BIRC6: variants seen among roughly 807,000 people sequenced by gnomAD.
BIRC6 encodes the protein baculoviral IAP repeat containing 6.
A neutral mutation model predicts 503.3 loss-of-function variants in BIRC6; 98 were observed. That is an observed-to-expected ratio of 0.19 (90% CI 0.17 to 0.23). The LOEUF (loss-of-function observed/expected upper bound fraction) is 0.23, where lower values mean the gene tolerates loss of function less well. BIRC6 is among the 10% of genes least tolerant of loss of function. BIRC6 has a pLI of 1.00. For missense variants in BIRC6, 5,360 were observed against 5,806.0 expected, an observed-to-expected ratio of 0.92 and a Z score of 2.50; for synonymous variants, 2,240 against 2,078.7, an observed-to-expected ratio of 1.08 and a Z score of -2.11.
chr2:32,607,975 C>CAAAAAAAAAA (rs35242178), intron 72 of BIRC6, among the ~76,000 whole-genome samples: 1 of 51,934 alleles, frequency 1.9e-5, no homozygotes, highest in Non-Finnish European at 3.1e-5. Context: ...ACTCCATCTC[C>CAAAAAAAAAA]AAAAAAAAAA....
intron 23 of BIRC6, among the ~76,000 whole-genome samples, chr2:32,456,338 T>C (rs1227636747): frequency 6.6e-6 from 1 of 152,242 alleles, no homozygotes; most frequent in Non-Finnish European, 1.5e-5. Context: ...TCATTGCATA[T>C]AGACAGTTGG....
rs1035956568 is a variant in BIRC6 at position 32,357,675 on chromosome 2, G to C, written c.325+189G>C. ...GGACTTGGCTTTTTCAGCGGCTGCA[G>C]TTGGGAGGAAAGACCGGCGAGTCAG... On this transcript the variant is annotated intron_variant, in intron 1 of 73. Coordinates refer to ENST00000421745, the MANE Select transcript of BIRC6 (RefSeq NM_016252.4). The surrounding 1 kb of genome is among the most constrained non-coding windows in gnomAD (Gnocchi z 4.9). 1.3e-5 allele frequency among the ~76,000 whole-genome samples: 2 copies of C among 152,172 alleles called. No homozygotes were observed. Among genetic ancestry groups the C allele is most frequent in the Non-Finnish European group, 2.9e-5 (2 of 68,024 alleles).
chr2:32,455,672 C>T (rs886758789), intron 23 of BIRC6, among the ~76,000 whole-genome samples: 6 of 152,072 alleles, frequency 3.9e-5, no homozygotes, highest in African/African-American at 1.4e-4. Flanking sequence ...TTTTATTTTA[C>T]AAAAATTCAT....
Position 32,553,849 on chromosome 2 carries a change from T to C in BIRC6, c.13144+4368T>C, listed in dbSNP as rs372120757. ...GTTTGATGCTTTAATAATTTGTTTCTTATTGCTTACTAAAATAAAGACATC... is the reference window on the plus strand; with the variant it reads ...GTTTGATGCTTTAATAATTTGTTTCCTATTGCTTACTAAAATAAAGACATC... On this transcript the variant is annotated intron_variant, in intron 65 of 73. Coordinates refer to ENST00000421745, the MANE Select transcript of BIRC6 (RefSeq NM_016252.4). Among the ~76,000 whole-genome samples the C allele has an allele frequency of 1.1e-3, 161 of 152,340 alleles. 1 individual carries two copies. Among genetic ancestry groups the C allele is most frequent in the African/African-American group, 3.8e-3 (159 of 41,576 alleles).
At chr2:32,380,612 A>T (rs1303057829) in intron 3 of BIRC6, among the ~76,000 whole-genome samples, 1 of 152,098 alleles carries the variant, frequency 6.6e-6, no homozygotes, top group East Asian at 1.9e-4. Context: ...CTGTAATCCC[A>T]GCTACTTGGA....
chr2:32,413,739 G>C (rs2042139717), intron 9 of BIRC6, among the ~76,000 whole-genome samples: 2 of 151,068 alleles, frequency 1.3e-5, no homozygotes, highest in South Asian at 4.2e-4. Context: ...TGGTATTTAT[G>C]GGGGATTGGT....
At chr2:32,442,780 A>C (rs980734914) in intron 19 of BIRC6, among the ~76,000 whole-genome samples, 1 of 152,044 alleles carries the variant, frequency 6.6e-6, no homozygotes, top group African/African-American at 2.4e-5. Context: ...CTTGCCCTAA[A>C]GTGTTTTCTC....
chr2:32,454,747 G>GA (rs897003053), intron 23 of BIRC6, among the ~76,000 whole-genome samples: 22 of 152,268 alleles, frequency 1.4e-4, no homozygotes, highest in Admixed American at 1.1e-3. Flanking sequence ...GCTGGTTCCA[G>GA]AATAGCAGGA....
chr2:32,436,092 A>G lies in BIRC6; in HGVS notation c.3539A>G (p.Asp1180Gly). The change falls in exon 15 of 74, where the codon GAC becomes GGC. Residue 1180 changes from aspartate to glycine, a missense_variant. By Grantham distance (94) the Asp-to-Gly change is moderately conservative. Coordinates refer to ENST00000421745, the MANE Select transcript of BIRC6 (RefSeq NM_016252.4). ...CCATTTTTGGAGGATCATAAAGAAG[A>G]CATTCTATGTGGGCCAGTATGGCTT... ...LCPFLEDHKE[D>G]ILCGPVWLAS... The G allele has an allele frequency of 2.0e-6, 3 of 1,467,854 alleles. No homozygotes were observed. Among genetic ancestry groups the G allele is most frequent in the Admixed American group, 2.1e-5 (1 of 46,658 alleles). The allele number at this position is 1,467,854 out of a possible 1,614,324, so 90.9% of individuals were successfully genotyped here.
chr2:32,455,146 A>T (rs554021404), intron 23 of BIRC6, among the ~76,000 whole-genome samples: 2 of 152,074 alleles, frequency 1.3e-5, no homozygotes, highest in African/African-American at 4.8e-5. Flanking sequence ...TGGGAGGCCA[A>T]GGTGGGCGGA....
At chr2:32,595,912 A>G (rs2061643828) in intron 68 of BIRC6, among the ~76,000 whole-genome samples, 1 of 152,208 alleles carries the variant, frequency 6.6e-6, no homozygotes, top group African/African-American at 2.4e-5. Flanking sequence ...GTCAGTGTCT[A>G]ATGATATTAC....
intron 5 of BIRC6, among the ~76,000 whole-genome samples, chr2:32,393,680 C>T (rs1040677591): frequency 2.6e-5 from 4 of 152,102 alleles, no homozygotes; most frequent in African/African-American, 9.7e-5. Flanking sequence ...CCACCATTCC[C>T]AGCTAATTCT....
intron 45 of BIRC6, among the ~76,000 whole-genome samples, chr2:32,496,803 C>T (rs2052531051): frequency 6.6e-6 from 1 of 152,102 alleles, no homozygotes; most frequent in Non-Finnish European, 1.5e-5. Context: ...CTTGTTTGGC[C>T]ATATTGTCAG....
At chr2:32,439,415 G>A (rs960781418) in intron 15 of BIRC6, 93 bp from the exon 16 acceptor site, 1 of 1,237,730 alleles carries the variant, frequency 8.1e-7, no homozygotes, top group Non-Finnish European at 1.1e-6. Context: ...TACTTTTTGT[G>A]GAGTTAGTTG....
rs764382100 is a variant in BIRC6, at chr2:32,499,577, C to T, written c.8499C>T (p.Leu2833=). ...CTTTCCAGACAGGCCAAGGACCTCT[C>T]GATGCCCAAGTGAAGCTCTTAGAAT... ...RGAFQTGQGP[L]DAQVKLLEFT... The change falls in exon 46 of 74, where the codon CTC becomes CTT. Residue 2833 remains leucine, a synonymous_variant. Coordinates refer to ENST00000421745, the MANE Select transcript of BIRC6 (RefSeq NM_016252.4). The T allele has an allele frequency of 5.6e-6, 9 of 1,611,988 alleles. No homozygotes were observed. The highest frequency in any genetic ancestry group is 1.1e-5 in the South Asian group (1 of 90,800).
At chr2:32,571,385 T>G (rs2059904574) in intron 65 of BIRC6, among the ~76,000 whole-genome samples, 1 of 144,834 alleles carries the variant, frequency 6.9e-6, no homozygotes, top group Non-Finnish European at 1.5e-5. Context: ...GGGCTTTTTT[T>G]TTTTTTTTTT....
At chr2:32,471,612 TAAAGG>T (rs1262976692) in intron 32 of BIRC6, among the ~76,000 whole-genome samples, 1 of 152,158 alleles carries the variant, frequency 6.6e-6, no homozygotes, top group Non-Finnish European at 1.5e-5. Context: ...ATTTAAAAAT[TAAAGG>T]AAATCAACCT....
At position 32,487,951 on chromosome 2, in the gene BIRC6, A is replaced by C. The variant is rs576241794; in HGVS notation, c.7968+150A>C. On this transcript the variant is annotated intron_variant, in intron 41 of 73. Coordinates refer to ENST00000421745, the MANE Select transcript of BIRC6 (RefSeq NM_016252.4). The stretch of plus-strand genomic sequence containing the variant: ...AATATTAGAAATACTTTGATTACCA[A>C]AGTAATCACAGTTTCTCAATGATGG... 1.6e-4 allele frequency: 104 copies of C among 669,362 alleles called. No homozygotes were observed. The South Asian group carries it at 2.2e-3, about 14-fold the overall frequency. 41.5% of individuals were successfully genotyped at this position (669,362 alleles called of 1,614,324 possible). A position where few individuals can be genotyped will look rare whatever the true frequency, so the allele number is the denominator to read the frequency against.
intron 39 of BIRC6, 92 bp downstream of exon 39, chr2:32,482,674 G>T: frequency 1.5e-6 from 2 of 1,352,628 alleles, no homozygotes; most frequent in South Asian, 2.7e-5. Context: ...TTGAGCCTGG[G>T]TGTATGCCAG....
Sources: allele counts gnomAD v4.1 joint callset (sites outside exome capture counted in the v4.1 genomes callset), GRCh38; gene constraint gnomAD v4.1.1; non-coding constraint Gnocchi (gnomAD v3.1); transcripts MANE v1.5; gene names NCBI Gene and HGNC (gene_info 2026-07-23, HGNC 2026-07-21).